The following ASIC2 variants were observed in gnomAD, a reference collection of about 807,000 sequenced individuals.
ASIC2 encodes the protein acid sensing ion channel subunit 2.
In ASIC2, 25 loss-of-function variants were observed where a neutral mutation model predicts 57.3. The observed-to-expected ratio is 0.44, with a 90% CI of 0.32 to 0.61. ASIC2 has a LOEUF of 0.61. Among genes scored for constraint, ASIC2 ranks in the 20% least tolerant of loss-of-function variants. The pLI is 0.06. For missense variants in ASIC2, 641 were observed against 738.1 expected, an observed-to-expected ratio of 0.87 and a Z score of 1.52; for synonymous variants, 319 against 307.5, an observed-to-expected ratio of 1.04 and a Z score of -0.39.
intron 1 of ASIC2, among the ~76,000 whole-genome samples, chr17:33,492,779 A>T (rs530846641): frequency 6.6e-6 from 1 of 152,306 alleles, no homozygotes; most frequent in African/African-American, 2.4e-5. Context: ...AACTACTCCC[A>T]GCCTCTTTGC....
chr17:33,018,412 A>G (rs999094108), intron 7 of ASIC2, among the ~76,000 whole-genome samples: 1 of 152,216 alleles, frequency 6.6e-6, no homozygotes, highest in African/African-American at 2.4e-5. Flanking sequence ...CGCTGGGGGT[A>G]AGGTGCATTC....
intron 1 of ASIC2, among the ~76,000 whole-genome samples, chr17:33,769,463 C>T (rs184765980): frequency 8.5e-5 from 13 of 152,154 alleles, no homozygotes; most frequent in East Asian, 3.9e-4. Flanking sequence ...GCAAAGGGGC[C>T]GAGAAAATTC....
intron 1 of ASIC2, among the ~76,000 whole-genome samples, chr17:34,141,050 A>C (rs1042441281): frequency 4.6e-5 from 7 of 152,328 alleles, no homozygotes; most frequent in Admixed American, 6.5e-5. Flanking sequence ...AGAATTCTGC[A>C]TCAGTTTTGT....
At chr17:33,343,815 A>G (rs1324160362) in intron 1 of ASIC2, among the ~76,000 whole-genome samples, 1 of 152,160 alleles carries the variant, frequency 6.6e-6, no homozygotes, top group East Asian at 1.9e-4. Flanking sequence ...TCTGCTCATC[A>G]AAATGAAATC....
At chr17:33,881,309 G>A (rs1218601673) in intron 1 of ASIC2, among the ~76,000 whole-genome samples, 1 of 152,156 alleles carries the variant, frequency 6.6e-6, no homozygotes, top group Non-Finnish European at 1.5e-5. Context: ...TAGGAAAAGA[G>A]GTAGTCAAAT....
chr17:33,652,865 T>C (rs1906961225), intron 1 of ASIC2, among the ~76,000 whole-genome samples: 1 of 152,208 alleles, frequency 6.6e-6, no homozygotes, highest in Non-Finnish European at 1.5e-5. Context: ...AAATATGGTT[T>C]AGACCACCAG....
chr17:33,609,082 C>G (rs576671013), intron 1 of ASIC2, among the ~76,000 whole-genome samples: 1 of 152,308 alleles, frequency 6.6e-6, no homozygotes, highest in East Asian at 1.9e-4. Context: ...TGTCTTCACT[C>G]TATGTACTTA....
intron 1 of ASIC2, among the ~76,000 whole-genome samples, chr17:33,428,736 C>T (rs892115770): frequency 2.0e-5 from 3 of 152,198 alleles, no homozygotes; most frequent in African/African-American, 7.2e-5. Context: ...CGGATGCCCA[C>T]TTCTCCACTG....
At chr17:33,509,837 G>C (rs75331102) in intron 1 of ASIC2, among the ~76,000 whole-genome samples, 1,886 of 152,338 alleles carry the variant, frequency 0.012, 17 homozygotes, top group Non-Finnish European at 0.019. Context: ...TAGACTGGGA[G>C]CCAGGAGGCC....
intron 3 of ASIC2, among the ~76,000 whole-genome samples, chr17:33,038,888 C>CCTT (rs34087980): frequency 0.52 from 78,478 of 151,828 alleles, 21,522 homozygotes; most frequent in African/African-American, 0.7. Context: ...CTGCCCAAGG[C>CCTT]CTCCGCAGCC....
intron 1 of ASIC2, among the ~76,000 whole-genome samples, chr17:33,470,085 G>A (rs1912997442): frequency 6.6e-6 from 1 of 152,172 alleles, no homozygotes; most frequent in Non-Finnish European, 1.5e-5. Flanking sequence ...GAGACTCAGA[G>A]CTGGGAATGA....
intron 1 of ASIC2, among the ~76,000 whole-genome samples, chr17:33,395,766 A>G (rs532101259): frequency 1.6e-4 from 25 of 152,316 alleles, no homozygotes; most frequent in Admixed American, 5.2e-4. Context: ...TCTGGGACAG[A>G]GGGGCAAGGC....
chr17:33,695,279 A>G (rs1908490145), intron 1 of ASIC2, among the ~76,000 whole-genome samples: 1 of 152,198 alleles, frequency 6.6e-6, no homozygotes, highest in Non-Finnish European at 1.5e-5. Context: ...CAGGAAGAGT[A>G]ACATAAACAA....
At chr17:33,733,905 C>T (rs1192106651) in intron 1 of ASIC2, among the ~76,000 whole-genome samples, 1 of 152,166 alleles carries the variant, frequency 6.6e-6, no homozygotes, top group Non-Finnish European at 1.5e-5. Flanking sequence ...TGATGGGTCT[C>T]ACTTTAAATT....
intron 1 of ASIC2, among the ~76,000 whole-genome samples, chr17:33,942,169 G>T (rs1017572634): frequency 2.0e-5 from 3 of 152,144 alleles, no homozygotes; most frequent in African/African-American, 7.2e-5. Flanking sequence ...TACCAAAGTT[G>T]CGAGGAGTAA....
chr17:33,741,246 C>T (rs1319436245), intron 1 of ASIC2, among the ~76,000 whole-genome samples: 1 of 152,226 alleles, frequency 6.6e-6, no homozygotes, highest in Non-Finnish European at 1.5e-5. Context: ...GAAAGCATGT[C>T]TTCCTGGAAT....
chr17:33,567,352 C>T lies in ASIC2; in HGVS notation c.556-455285G>A, dbSNP rs575679634. ...AGCTGGAGTGTAGAGAGTGAAGGTG[C>T]GTCAGAAAATGGGCAGGGATTAAAT... is the stretch of plus-strand genomic sequence containing the variant. On this transcript the variant is annotated intron_variant, in intron 1 of 9. Coordinates refer to the ASIC2 transcript ENST00000359872. Among the ~76,000 whole-genome samples the T allele has an allele frequency of 1.4e-4, 22 of 152,080 alleles. 1 individual carries two copies. The highest frequency in any genetic ancestry group is 7.9e-4 in the Admixed American group (12 of 15,278).
chr17:33,693,293 TAA>T, intron 1 of ASIC2, among the ~76,000 whole-genome samples: 1 of 151,958 alleles, frequency 6.6e-6, no homozygotes, highest in Middle Eastern at 3.4e-3. Flanking sequence ...AGTACTGCAT[TAA>T]ATTTGTAGAT....
At chr17:33,868,033 G>A (rs1914287622) in intron 1 of ASIC2, among the ~76,000 whole-genome samples, 1 of 152,172 alleles carries the variant, frequency 6.6e-6, no homozygotes, top group Non-Finnish European at 1.5e-5. Flanking sequence ...TCTGCAGTAA[G>A]TCATTGAAGC....
Sources: allele counts gnomAD v4.1 joint callset (sites outside exome capture counted in the v4.1 genomes callset), GRCh38; gene constraint gnomAD v4.1.1; transcripts MANE v1.5; gene names NCBI Gene and HGNC (gene_info 2026-07-23, HGNC 2026-07-21).